PLEKHH1: variants seen among roughly 807,000 people sequenced by gnomAD.
PLEKHH1 encodes the protein pleckstrin homology, MyTH4 and FERM domain containing H1, also known as pleckstrin homology domain-containing family H member 1.
PLEKHH1 carries 104 observed loss-of-function variants against 160.0 expected under a neutral mutation model. That is an observed-to-expected ratio of 0.65 (90% confidence interval 0.55 to 0.76). The LOEUF is 0.76. Ranked by LOEUF, PLEKHH1 falls within the 30% of genes least tolerant of loss-of-function variation. The pLI is 0.00. For missense variants in PLEKHH1, 1,427 were observed against 1,724.1 expected, an observed-to-expected ratio of 0.83 and a Z score of 3.05; for synonymous variants, 619 against 678.4, an observed-to-expected ratio of 0.91 and a Z score of 1.36.
chr14:67,567,400 C>T (rs1053233280), intron 7 of PLEKHH1, among the ~76,000 whole-genome samples: 2 of 152,194 alleles, frequency 1.3e-5, no homozygotes, highest in East Asian at 1.9e-4. Context: ...TCATAGGTTT[C>T]GTTTTACCTA....
intron 15 of PLEKHH1, 129 bp from the exon 16 acceptor site, chr14:67,575,694 C>T (rs2140493197): frequency 1.3e-6 from 1 of 766,352 alleles, no homozygotes; most frequent in Non-Finnish European, 2.2e-6. Context: ...ATGCTATAGT[C>T]TCCACCTCCC....
Position 67,572,188 on chromosome 14 carries a change from GC to G in PLEKHH1, c.1641del (p.Cys548AlafsTer39). 6.2e-7 allele frequency: 1 copy of G among 1,608,312 alleles called. No individual in the cohort carries two copies. Among genetic ancestry groups the G allele is most frequent in the Non-Finnish European group, 8.5e-7 (1 of 1,177,600 alleles). On this transcript the variant is annotated frameshift_variant, in exon 11 of 29. Coordinates refer to ENST00000329153, the MANE Select transcript of PLEKHH1 (RefSeq NM_020715.3). LOFTEE classifies it high-confidence loss of function. ...SEGDYAIPPDACSLDSDYSEP... is the reference protein window; with the variant it reads ...SEGDYAIPPDXCSLDSDYSEP... ...GGGTGACTACGCCATCCCCCCGGACGCCTGCTCACTGGACAGTGACTACTCA... is the reference window on the plus strand; with the variant it reads ...GGGTGACTACGCCATCCCCCCGGACGCTGCTCACTGGACAGTGACTACTCA...
intron 9 of PLEKHH1, 69 bp from the exon 10 acceptor site, chr14:67,571,683 C>T (rs776667147): frequency 1.6e-5 from 25 of 1,534,740 alleles, no homozygotes; most frequent in Non-Finnish European, 2.0e-5. Flanking sequence ...ACCAGGAGTG[C>T]AAGCTGCAGG....
chr14:67,578,665 A>C lies in PLEKHH1; in HGVS notation c.2849+34A>C, dbSNP rs751333066. The C allele has an allele frequency of 6.1e-6, 8 of 1,318,870 alleles. No individual in the cohort carries two copies. Among genetic ancestry groups the C allele is most frequent in the African/African-American group, 2.9e-5 (2 of 68,834 alleles). The allele number at this position is 1,318,870 out of a possible 1,614,324, so 81.7% of individuals were successfully genotyped here. On this transcript the variant is annotated intron_variant, in intron 20 of 28. Transcript: ENST00000329153. The surrounding 1 kb of genome is among the most constrained non-coding windows in gnomAD (Gnocchi z 5.0). ...ACCTGGCCGTTTCCTCTGCCACTTG[A>C]GCACTGCCAACTGCCGCATGAATAA...
chr14:67,547,911 A>T (rs912604770), intron 2 of PLEKHH1, among the ~76,000 whole-genome samples: 1 of 152,146 alleles, frequency 6.6e-6, no homozygotes, highest in African/African-American at 2.4e-5. Context: ...GAGAGTTGAG[A>T]CTGTGCCTTT....
intron 5 of PLEKHH1, 34 bp downstream of exon 5, chr14:67,559,725 A>G (rs1050137438): frequency 2.8e-6 from 4 of 1,451,822 alleles, no homozygotes; most frequent in South Asian, 1.2e-5. Context: ...GGCCTGCCAG[A>G]GGCATGGCTG....
intron 1 of PLEKHH1, among the ~76,000 whole-genome samples, chr14:67,537,346 A>AAATAATAATAATAATAATAAT (rs111429286): frequency 1.1e-4 from 14 of 126,600 alleles, no homozygotes; most frequent in African/African-American, 1.6e-4. Context: ...TCCATCTCAA[A>AAATAATAATAATAATAATAAT]AATAATAATA....
At chr14:67,587,017 A>C in intron 28 of PLEKHH1, 57 bp from the exon 29 acceptor site, 1 of 1,533,162 alleles carries the variant, frequency 6.5e-7, no homozygotes, top group Non-Finnish European at 8.8e-7. Flanking sequence ...TAAGTAAGAA[A>C]GCCAGGATTC....
intron 5 of PLEKHH1, among the ~76,000 whole-genome samples, chr14:67,560,388 T>TA (rs1205168506): frequency 6.6e-6 from 1 of 152,240 alleles, no homozygotes; most frequent in Non-Finnish European, 1.5e-5. Context: ...AAAATATACA[T>TA]AAAATGTACC....
chr14:67,566,012 G>A (rs1335940877), intron 7 of PLEKHH1, among the ~76,000 whole-genome samples: 1 of 152,166 alleles, frequency 6.6e-6, no homozygotes, highest in Non-Finnish European at 1.5e-5. Flanking sequence ...CTGGCTGCTC[G>A]GGAGCCTGAG....
chr14:67,550,189 T>G (rs181572394), intron 2 of PLEKHH1, among the ~76,000 whole-genome samples: 207 of 152,172 alleles, frequency 1.4e-3, no homozygotes, highest in Non-Finnish European at 2.2e-3. Context: ...ACCATTGTCT[T>G]TATATTTTTT....
At chr14:67,551,081 T>A (rs2034374215) in intron 2 of PLEKHH1, among the ~76,000 whole-genome samples, 1 of 152,222 alleles carries the variant, frequency 6.6e-6, no homozygotes, top group African/African-American at 2.4e-5. Context: ...GCTATATACA[T>A]ATAAGCTAAA....
In PLEKHH1 at chr14:67,578,877, C is replaced by T. The variant is rs906287656; in HGVS notation, c.2849+246C>T. Among the ~76,000 whole-genome samples the T allele has an allele frequency of 1.3e-5, 2 of 152,248 alleles. No individual in the cohort carries two copies. Among genetic ancestry groups the T allele is most frequent in the Admixed American group, 6.5e-5 (1 of 15,286 alleles). On this transcript the variant is annotated intron_variant, in intron 20 of 28. Coordinates refer to ENST00000329153, the MANE Select transcript of PLEKHH1 (RefSeq NM_020715.3). This position sits in a 1 kb window ranked among gnomAD's most constrained non-coding sequence, Gnocchi z 5.0. ...CTGTGGCAACTCTCACATGAAGCCA[C>T]ACTGCTCCCAAACTGTCCCCAAGTG...
At chr14:67,567,672 T>C (rs548330111) in intron 7 of PLEKHH1, among the ~76,000 whole-genome samples, 83 of 152,096 alleles carry the variant, frequency 5.5e-4, no homozygotes, top group African/African-American at 2.0e-3. Context: ...CTGCCCTCTC[T>C]CCTCCCAGTT....
At position 67,543,600 on chromosome 14, in the gene PLEKHH1, A is replaced by G. The variant is rs60363670; in HGVS notation, c.126+1607A>G. 8.1e-3 allele frequency among the ~76,000 whole-genome samples: 1,237 copies of G among 152,272 alleles called. 16 individuals carry two copies. The highest frequency in any genetic ancestry group is 0.028 in the African/African-American group (1,165 of 41,556). On this transcript the variant is annotated intron_variant, in intron 2 of 28. Transcript: ENST00000329153. ...GGGTTGCTAATAATCTGCATGTTTA[A>G]CAAGCGTCCAGAAAATCATTCTGTA... is the stretch of plus-strand genomic sequence containing the variant.
chr14:67,584,454 A>G (rs1238180142), intron 26 of PLEKHH1, among the ~76,000 whole-genome samples: 1 of 152,242 alleles, frequency 6.6e-6, no homozygotes, highest in Non-Finnish European at 1.5e-5. Flanking sequence ...CTAAACAAAT[A>G]CATCTCCACT....
Position 67,581,126 on chromosome 14 carries a change from A to T in PLEKHH1, c.3284+88A>T. On this transcript the variant is annotated intron_variant, in intron 23 of 28. Coordinates refer to ENST00000329153, the MANE Select transcript of PLEKHH1 (RefSeq NM_020715.3). ...GCCTCCTCGACTAGACAGCCTATCC[A>T]GACGGGGGGAGGGACCCACAGATAT... 5 of 811,066 alleles carry T rather than the reference A, an allele frequency of 6.2e-6. 1 individual carries two copies. The highest frequency in any genetic ancestry group is 3.0e-4 in the Middle Eastern group (1 of 3,316). 50.2% of individuals were successfully genotyped at this position (811,066 alleles called of 1,614,324 possible).
chr14:67,583,673 T>C (rs1594795465), intron 24 of PLEKHH1, 68 bp from the exon 25 acceptor site: 8 of 1,250,470 alleles, frequency 6.4e-6, no homozygotes, highest in Non-Finnish European at 7.8e-6. Flanking sequence ...ATTTCACCTC[T>C]CAACAGCCCC....
In PLEKHH1 at chr14:67,572,377, G is replaced by A. The variant is rs1594779071; in HGVS notation, c.1728+100G>A. The A allele has an allele frequency of 2.9e-6, 3 of 1,021,538 alleles. No individual in the cohort carries two copies. In the East Asian group the frequency reaches 8.7e-5, roughly 30 times the overall value. 63.3% of individuals were successfully genotyped at this position (1,021,538 alleles called of 1,614,324 possible). A position where few individuals can be genotyped will look rare whatever the true frequency, so the allele number is the denominator to read the frequency against. ...ATAGGCAGTAGCTGCCTGAAGTGAGGGGTCCCTAGAGCTGGGGGATGGGGG... is the reference window on the plus strand; with the variant it reads ...ATAGGCAGTAGCTGCCTGAAGTGAGAGGTCCCTAGAGCTGGGGGATGGGGG... On this transcript the variant is annotated intron_variant, in intron 11 of 28. Transcript: ENST00000329153.
Sources: allele counts gnomAD v4.1 joint callset (sites outside exome capture counted in the v4.1 genomes callset), GRCh38; gene constraint gnomAD v4.1.1; non-coding constraint Gnocchi (gnomAD v3.1); transcripts MANE v1.5; gene names NCBI Gene and HGNC (gene_info 2026-07-23, HGNC 2026-07-21).